The following M6PR variants were observed in gnomAD, a reference collection of about 807,000 sequenced individuals.
M6PR encodes cation-dependent mannose-6-phosphate receptor.
A neutral mutation model predicts 33.1 loss-of-function variants in M6PR; 19 were observed. That is an observed-to-expected ratio of 0.57 (90% CI 0.40 to 0.84). The LOEUF (loss-of-function observed/expected upper bound fraction) is 0.84. Ranked by LOEUF, M6PR falls within the 40% of genes least tolerant of loss-of-function variation. The pLI is 0.00. For synonymous variants in M6PR, 111 were observed against 123.4 expected (o/e 0.90, Z 0.67); for missense variants, 295 against 336.0 (o/e 0.88, Z 0.95).
In M6PR at chr12:8,949,618, C is replaced by T. The variant is rs1024619608; in HGVS notation, c.-132G>A. The T allele has an allele frequency of 2.0e-5, 3 of 152,088 alleles. No homozygotes were observed. Among genetic ancestry groups the T allele is most frequent in the African/African-American group, 7.2e-5 (3 of 41,416 alleles). The allele number at this position is 152,088 out of a possible 1,614,324, so 9.4% of individuals were successfully genotyped here. ...GAGCTAGTTTCAGAGGCCAGCGTTCCCCCTAGCGCCTCGCTGTGCCCCACT... is the reference window on the plus strand; with the variant it reads ...GAGCTAGTTTCAGAGGCCAGCGTTCTCCCTAGCGCCTCGCTGTGCCCCACT... On this transcript the variant is annotated 5_prime_UTR_variant, in exon 1 of 7. Coordinates refer to ENST00000000412, the MANE Select transcript of M6PR (RefSeq NM_002355.4). The surrounding 1 kb of genome is among the most constrained non-coding windows in gnomAD (Gnocchi z 5.6).
rs927348417 is a variant in M6PR, at chr12:8,949,515, G to A, written c.-29C>T. ...GTCGTGGGAAACTGGAGTAGCCAAA[G>A]CTCAGAATCCCCAGTGAATACCCTT... On this transcript the variant is annotated 5_prime_UTR_variant, in exon 1 of 7. Coordinates refer to ENST00000000412, the MANE Select transcript of M6PR (RefSeq NM_002355.4). This position sits in a 1 kb window ranked among gnomAD's most constrained non-coding sequence, Gnocchi z 5.6. 9 of 152,112 alleles carry A rather than the reference G, an allele frequency of 5.9e-5. No homozygotes were observed. Among genetic ancestry groups the A allele is most frequent in the African/African-American group, 2.2e-4 (9 of 41,406 alleles). The allele number at this position is 152,112 out of a possible 1,614,324, so 9.4% of individuals were successfully genotyped here. A position where few individuals can be genotyped will look rare whatever the true frequency, so the allele number is the denominator to read the frequency against.
In M6PR at chr12:8,941,829, A is replaced by C. The variant is rs765762629; in HGVS notation, c.823T>G (p.Leu275Val). ...ATATAAAGTGCAATCTACATTGGTA[A>C]TAAATGGTCATCCCTTTCTTCTGAC... ...EESEERDDHL[L>V]PM is the part of the protein sequence containing the mutation. Residue 275 changes from leucine to valine, a missense_variant, in exon 7 of 7, where the codon TTA becomes GTA. Coordinates refer to ENST00000000412, the MANE Select transcript of M6PR (RefSeq NM_002355.4). 13 of 1,614,058 alleles carry C rather than the reference A, an allele frequency of 8.1e-6. No individual in the cohort carries two copies. Among genetic ancestry groups the C allele is most frequent in the Non-Finnish European group, 1.0e-5 (12 of 1,180,034 alleles).
rs986000842 is a variant in M6PR at position 8,942,060 on chromosome 12, C to T, written c.712-120G>A. On this transcript the variant is annotated intron_variant, in intron 6 of 6. Coordinates refer to ENST00000000412, the MANE Select transcript of M6PR (RefSeq NM_002355.4). Reference sequence around the variant, plus strand: ...GTTTTCTATAGGGATAATGAGAAAACCTAAAAGATCTGACAATCAGCCTAA... The same window carrying T: ...GTTTTCTATAGGGATAATGAGAAAATCTAAAAGATCTGACAATCAGCCTAA... The T allele has an allele frequency of 5.4e-6, 6 of 1,121,136 alleles. No homozygotes were observed. In the Admixed American group the frequency reaches 7.2e-5, roughly 13 times the overall value. The allele number at this position is 1,121,136 out of a possible 1,614,324, so 69.4% of individuals were successfully genotyped here.
Position 8,941,774 on chromosome 12 carries a change from TG to T in M6PR, c.*43del, listed in dbSNP as rs1946012235. ...CTTGAGAAATCTGGCTGTGTAGCTT[TG>T]GTTTGGGGGACTGAGGAAGAGGCTG... On this transcript the variant is annotated 3_prime_UTR_variant, in exon 7 of 7. Transcript: ENST00000000412. 6.2e-7 allele frequency: 1 copy of T among 1,609,662 alleles called. No individual in the cohort carries two copies. The highest frequency in any genetic ancestry group is 1.7e-5 in the Admixed American group (1 of 59,944).
intron 5 of M6PR, 26 bp downstream of exon 5, chr12:8,943,379 G>C: frequency 6.2e-7 from 1 of 1,613,826 alleles, no homozygotes; most frequent in Middle Eastern, 1.7e-4. Flanking sequence ...AGGAAGGTCT[G>C]TTCTGATAAA....
At chr12:8,945,306 C>T (rs1805762) in intron 3 of M6PR, 112 bp downstream of exon 3, 3 of 1,122,992 alleles carry the variant, frequency 2.7e-6, no homozygotes, top group Non-Finnish European at 3.9e-6. Flanking sequence ...TGTGCCGAAC[C>T]ACACGTATGA....
intron 1 of M6PR, among the ~76,000 whole-genome samples, chr12:8,948,599 T>G (rs994341229): frequency 2.6e-5 from 4 of 152,264 alleles, no homozygotes; most frequent in Admixed American, 6.5e-5. Flanking sequence ...TTTGTCTATA[T>G]ACTTTGGAAA....
rs1946010903 is a variant in M6PR at position 8,941,687 on chromosome 12, A to G, written c.*131T>C. ...TTTTACTAGTGAGAAGATGCAAATC[A>G]AAAGCAAACTGGAAAGCAAGAGCAA... is the stretch of plus-strand genomic sequence containing the variant. On this transcript the variant is annotated 3_prime_UTR_variant, in exon 7 of 7. Coordinates refer to ENST00000000412, the MANE Select transcript of M6PR (RefSeq NM_002355.4). 1 of 1,210,952 alleles carries G rather than the reference A, an allele frequency of 8.3e-7. No homozygotes were observed. Among genetic ancestry groups the G allele is most frequent in the East Asian group, 2.4e-5 (1 of 42,516 alleles). 75.0% of individuals were successfully genotyped at this position (1,210,952 alleles called of 1,614,324 possible).
chr12:8,941,781 G>C lies in M6PR; in HGVS notation c.*37C>G. 1 of 1,611,584 alleles carries C rather than the reference G, an allele frequency of 6.2e-7. No individual in the cohort carries two copies. Among genetic ancestry groups the C allele is most frequent in the South Asian group, 1.1e-5 (1 of 91,006 alleles). The stretch of plus-strand genomic sequence containing the variant: ...AATCTGGCTGTGTAGCTTTGGTTTG[G>C]GGGACTGAGGAAGAGGCTGGACATA... On this transcript the variant is annotated 3_prime_UTR_variant, in exon 7 of 7. Transcript: ENST00000000412.
chr12:8,945,493 G>A lies in M6PR; in HGVS notation c.268C>T (p.Leu90=). ...EAGNHTSGAG[L]VQINKSNGKE... is the part of the protein sequence containing the mutation. Reference sequence around the variant, plus strand: ...CCATTACTTTTGTTGATTTGCACCAGGCCTGCCCCAGAAGTGTGGTTGCCA... The same window carrying A: ...CCATTACTTTTGTTGATTTGCACCAAGCCTGCCCCAGAAGTGTGGTTGCCA... The change falls in exon 3 of 7, where the codon CTG becomes TTG. Residue 90 remains leucine (L), a synonymous_variant. Coordinates refer to ENST00000000412, the MANE Select transcript of M6PR (RefSeq NM_002355.4). 1.9e-6 allele frequency: 3 copies of A among 1,614,066 alleles called. No homozygotes were observed. Among genetic ancestry groups the A allele is most frequent in the Non-Finnish European group, 2.5e-6 (3 of 1,180,020 alleles).
chr12:8,945,320 G>T, intron 3 of M6PR, 98 bp downstream of exon 3: 2 of 1,280,482 alleles, frequency 1.6e-6, no homozygotes, highest in Non-Finnish European at 2.2e-6. Flanking sequence ...CGTATGATAT[G>T]CTGAAGACAC....
intron 3 of M6PR, among the ~76,000 whole-genome samples, 170 bp from the exon 4 acceptor site, chr12:8,944,080 A>G (rs1296123075): frequency 6.6e-6 from 1 of 152,244 alleles, no homozygotes; most frequent in East Asian, 1.9e-4. Context: ...TTGTTTGCTT[A>G]CAAAGACTTG....
intron 4 of M6PR, 129 bp downstream of exon 4, chr12:8,943,668 CACAG>C: frequency 1.5e-6 from 2 of 1,360,778 alleles, no homozygotes; most frequent in Non-Finnish European, 2.1e-6. Flanking sequence ...GCGTGTCTGA[CACAG>C]AGAGAAACTG....
intron 4 of M6PR, 77 bp downstream of exon 4, chr12:8,943,724 C>T: frequency 7.2e-7 from 1 of 1,394,560 alleles, no homozygotes; most frequent in South Asian, 1.2e-5. Flanking sequence ...TATCGTGTCC[C>T]CTCTGGATAT....
rs1364289521 is a variant in M6PR at position 8,946,245 on chromosome 12, G to A, written c.160C>T (p.Pro54Ser). Residue 54 changes from proline (P) to serine (S), a missense_variant, in exon 2 of 7, where the codon CCA becomes TCA. Coordinates refer to ENST00000000412, the MANE Select transcript of M6PR (RefSeq NM_002355.4). The part of the protein sequence containing the change: ...KELALVKRLK[P>S]LFNKSFESTV... Reference sequence around the variant, plus strand: ...CTCATTTACCTTTTATTAAACAGTGGTTTCAGCCTCTTCACTAGAGCCAAC... The same window carrying A: ...CTCATTTACCTTTTATTAAACAGTGATTTCAGCCTCTTCACTAGAGCCAAC... 1 of 1,613,912 alleles carries A rather than the reference G, an allele frequency of 6.2e-7. No homozygotes were observed. Among genetic ancestry groups the A allele is most frequent in the Non-Finnish European group, 8.5e-7 (1 of 1,179,950 alleles).
intron 3 of M6PR, 21 bp from the exon 4 acceptor site, chr12:8,943,931 T>C: frequency 6.5e-7 from 1 of 1,527,384 alleles, no homozygotes; most frequent in Non-Finnish European, 9.1e-7. Context: ...ACAAGGAAAA[T>C]GGAGCTATGG....
chr12:8,944,760 TTTGA>T (rs1486952872), intron 3 of M6PR, among the ~76,000 whole-genome samples: 12 of 152,256 alleles, frequency 7.9e-5, no homozygotes, highest in African/African-American at 2.6e-4. Context: ...ACTGGTAAAC[TTTGA>T]TTAATTTGAT....
At chr12:8,942,153 C>T in intron 6 of M6PR, 2 of 682,652 alleles carry the variant, frequency 2.9e-6, no homozygotes, top group Non-Finnish European at 4.8e-6. Flanking sequence ...CACCCAGGCC[C>T]TCTTAAAAGC....
intron 1 of M6PR, among the ~76,000 whole-genome samples, chr12:8,948,899 G>C (rs1255393629): frequency 6.6e-6 from 1 of 152,212 alleles, no homozygotes. Flanking sequence ...GTTTAGAAAA[G>C]CAGCCTCAAT....
Sources: allele counts gnomAD v4.1 joint callset (sites outside exome capture counted in the v4.1 genomes callset), GRCh38; gene constraint gnomAD v4.1.1; non-coding constraint Gnocchi (gnomAD v3.1); transcripts MANE v1.5; gene names NCBI Gene and HGNC (gene_info 2026-07-23, HGNC 2026-07-21).